The following TRPV1 variants were observed in gnomAD, a reference collection of about 807,000 sequenced individuals.
The protein encoded by TRPV1 is transient receptor potential cation channel subfamily V member 1, also known as OTRPC1.
TRPV1 carries 82 observed loss-of-function variants against 82.3 expected under a neutral mutation model. The observed-to-expected ratio is 1.00, with a 90% confidence interval of 0.83 to 1.20. TRPV1 has a LOEUF of 1.20. Ranked by LOEUF, TRPV1 falls within the 50% of genes most tolerant of loss-of-function variation. The pLI is 0.00. For missense variants in TRPV1, 1,067 were observed against 1,096.8 expected (o/e 0.97, Z 0.38); for synonymous variants, 515 against 467.7 (o/e 1.10, Z -1.30).
At chr17:3,590,837 C>T in intron 5 of TRPV1, 127 bp downstream of exon 5, 4 of 1,320,052 alleles carry the variant, frequency 3.0e-6, no homozygotes, top group African/African-American at 1.5e-5. Context: ...GGATTAGGAG[C>T]CACCAACGCA....
Position 3,573,798 on chromosome 17 carries a change from G to A in TRPV1, c.1938C>T (p.Gly646=), listed in dbSNP as rs569486186. 6.2e-6 allele frequency: 10 copies of A among 1,613,850 alleles called. No individual in the cohort carries two copies. In the East Asian group the frequency reaches 6.7e-5, roughly 11 times the overall value. The change falls in exon 14 of 17, where the codon GGC becomes GGT. Residue 646 remains glycine, a synonymous_variant. Transcript: ENST00000572705. Reference sequence around the variant, plus strand: ...CATAGTTCTCAGTGAACTCCAGGTCGCCCATGCCGATGGTGAACTTGAACA... The same window carrying A: ...CATAGTTCTCAGTGAACTCCAGGTCACCCATGCCGATGGTGAACTTGAACA... ...LELFKFTIGM[G]DLEFTENYDF...
chr17:3,573,866 G>T lies in TRPV1; in HGVS notation c.1870C>A (p.Pro624Thr). The T allele has an allele frequency of 1.2e-6, 2 of 1,612,300 alleles. No homozygotes were observed. The highest frequency in any genetic ancestry group is 1.7e-6 in the Non-Finnish European group (2 of 1,179,556). Reference sequence around the variant, plus strand: ...TACAGGCTGTTGTAGGAGCTATCGGGGGGCCTGCAGGCAGGCCCCCGCCAC... The same window carrying T: ...TACAGGCTGTTGTAGGAGCTATCGGTGGGCCTGCAGGCAGGCCCCCGCCAC... ...HRWRGPACRP[P>T]DSSYNSLYST... The change falls in exon 14 of 17, where the codon CCC becomes ACC. Residue 624 changes from proline to threonine, a missense_variant. Transcript: ENST00000572705.
intron 13 of TRPV1, among the ~76,000 whole-genome samples, chr17:3,576,255 T>C (rs1334168730): frequency 6.6e-6 from 1 of 151,628 alleles, no homozygotes; most frequent in Non-Finnish European, 1.5e-5. Context: ...CTGTGGCTCA[T>C]GCCTGTAATC....
At chr17:3,604,010 A>G in intron 2 of TRPV1, among the ~76,000 whole-genome samples, 1 of 152,228 alleles carries the variant, frequency 6.6e-6, no homozygotes, top group Non-Finnish European at 1.5e-5. Context: ...AGGGCAGGGC[A>G]CCCTGTAACA....
At position 3,577,900 on chromosome 17, in the gene TRPV1, T is replaced by G. The variant is rs921264957; in HGVS notation, c.1548-137A>C. 2.0e-5 allele frequency: 15 copies of G among 764,192 alleles called. No individual in the cohort carries two copies. The Admixed American group carries it at 4.2e-4, about 21-fold the overall frequency. The allele number at this position is 764,192 out of a possible 1,614,324, so 47.3% of individuals were successfully genotyped here. On this transcript the variant is annotated intron_variant, in intron 11 of 16. Transcript: ENST00000572705. ...GCTAGGGTTGGGCTGTCCTGACTCTTTCAGCCCAGGCGTTCTCCGTGGAAG... is the reference window on the plus strand; with the variant it reads ...GCTAGGGTTGGGCTGTCCTGACTCTGTCAGCCCAGGCGTTCTCCGTGGAAG...
At chr17:3,582,186 T>C (rs2075029165) in intron 10 of TRPV1, among the ~76,000 whole-genome samples, 1 of 36,304 alleles carries the variant, frequency 2.8e-5, no homozygotes, top group South Asian at 1.6e-3. Context: ...TGAGACTCCA[T>C]CTCAAAAAAA....
chr17:3,573,573 GCAGA>G, intron 14 of TRPV1, 56 bp downstream of exon 14: 1 of 805,354 alleles, frequency 1.2e-6, no homozygotes, highest in Non-Finnish European at 1.6e-6. Context: ...GTGTAAGACA[GCAGA>G]CAGAGCCGCC....
At chr17:3,568,868 CCT>C (rs2074810423) in intron 16 of TRPV1, among the ~76,000 whole-genome samples, 1 of 152,096 alleles carries the variant, frequency 6.6e-6, no homozygotes, top group South Asian at 2.1e-4. Flanking sequence ...ACGGTGAAGC[CCT>C]GTCTCTACTA....
intron 9 of TRPV1, among the ~76,000 whole-genome samples, chr17:3,584,023 C>A (rs1437362754): frequency 1.3e-5 from 2 of 152,172 alleles, no homozygotes; most frequent in Admixed American, 6.5e-5. Flanking sequence ...GTAATCCCAG[C>A]ACTTTGGGAG....
At chr17:3,583,710 GGA>G (rs1174580382) in intron 9 of TRPV1, among the ~76,000 whole-genome samples, 2 of 152,208 alleles carry the variant, frequency 1.3e-5, no homozygotes, top group Non-Finnish European at 2.9e-5. Context: ...CTCCTGGCTG[GGA>G]GCAGAGTGAT....
At chr17:3,592,738 C>T in intron 2 of TRPV1, 1 of 202,840 alleles carries the variant, frequency 4.9e-6, no homozygotes. Context: ...AACCACCGCG[C>T]TGCCTCCCTC....
In TRPV1 at chr17:3,568,148, C is replaced by T. The variant is rs2074796871; in HGVS notation, c.2348-1161G>A. Among the ~76,000 whole-genome samples the T allele has an allele frequency of 7.2e-5, 11 of 152,108 alleles. No homozygotes were observed. The South Asian group carries it at 2.1e-3, about 29-fold the overall frequency. ...CCATCCTGGCTAACATGGTGAAACC[C>T]CGTCTCTACTAAAAATACAAAAAAT... On this transcript the variant is annotated intron_variant, in intron 16 of 16. Transcript: ENST00000572705.
intron 7 of TRPV1, among the ~76,000 whole-genome samples, chr17:3,589,297 C>T (rs2075124116): frequency 6.6e-6 from 1 of 150,892 alleles, no homozygotes; most frequent in African/African-American, 2.4e-5. Context: ...ACCTCCGCCT[C>T]CCAAGTTCAA....
intron 8 of TRPV1, 108 bp downstream of exon 8, chr17:3,588,080 A>C: frequency 2.2e-6 from 3 of 1,348,392 alleles, no homozygotes; most frequent in Non-Finnish European, 3.0e-6. Context: ...GCCCGGGCGC[A>C]GCAGGCTTTC....
intron 15 of TRPV1, 25 bp downstream of exon 15, chr17:3,572,097 G>A: frequency 6.2e-7 from 1 of 1,608,538 alleles, no homozygotes; most frequent in Non-Finnish European, 8.5e-7. Flanking sequence ...CCCAAGCCCT[G>A]ATTCAGGTGG....
At chr17:3,584,690 G>T (rs1405415431) in intron 9 of TRPV1, among the ~76,000 whole-genome samples, 2 of 151,944 alleles carry the variant, frequency 1.3e-5, no homozygotes. Context: ...CAGCTATTCG[G>T]GAGGCCGAGG....
chr17:3,603,446 C>T (rs2075278030), intron 2 of TRPV1, among the ~76,000 whole-genome samples: 1 of 152,182 alleles, frequency 6.6e-6, no homozygotes. Flanking sequence ...AAGAGGCCCG[C>T]GTGTGCTAGA....
In TRPV1 at chr17:3,591,132, G is replaced by A. The variant is rs201752726; in HGVS notation, c.452-16C>T. 2.7e-5 allele frequency: 44 copies of A among 1,611,188 alleles called. No individual in the cohort carries two copies. Among genetic ancestry groups the A allele is most frequent in the Non-Finnish European group, 3.6e-5 (42 of 1,178,826 alleles). ...GTCTCAGGGTCTGAAAGACATAAGGGAGGGTCAGGGCAGGCCAGGGCTGGG... is the reference window on the plus strand; with the variant it reads ...GTCTCAGGGTCTGAAAGACATAAGGAAGGGTCAGGGCAGGCCAGGGCTGGG... On this transcript the variant is annotated splice_polypyrimidine_tract_variant and intron_variant, in intron 4 of 16. Transcript: ENST00000572705.
intron 16 of TRPV1, among the ~76,000 whole-genome samples, chr17:3,568,956 T>G (rs1426177866): frequency 1.3e-5 from 2 of 152,202 alleles, no homozygotes; most frequent in African/African-American, 2.4e-5. Context: ...GATGAGTTCA[T>G]GTCCTTTGTA....
Sources: allele counts gnomAD v4.1 joint callset (sites outside exome capture counted in the v4.1 genomes callset), GRCh38; gene constraint gnomAD v4.1.1; transcripts MANE v1.5; gene names NCBI Gene and HGNC (gene_info 2026-07-23, HGNC 2026-07-21).